GTF2F2: variants seen among roughly 807,000 people sequenced by gnomAD.
GTF2F2 encodes the protein ATP-dependent helicase GTF2F2.
A neutral mutation model predicts 42.2 loss-of-function variants in GTF2F2; 23 were observed. The observed-to-expected ratio is 0.55, with a 90% confidence interval of 0.39 to 0.77. GTF2F2 has a LOEUF of 0.77. Ranked by LOEUF, GTF2F2 falls within the 30% of genes least tolerant of loss-of-function variation. The probability of loss-of-function intolerance (pLI) is 0.00; values close to 1 mark genes in which losing one functional copy is unlikely to be tolerated. For missense variants in GTF2F2, 261 were observed against 287.2 expected, an observed-to-expected ratio of 0.91 and a Z score of 0.66; for synonymous variants, 105 against 100.8, an observed-to-expected ratio of 1.04 and a Z score of -0.25.
chr13:45,120,753 T>G, intron 1 of GTF2F2, 32 bp downstream of exon 1: 1 of 1,474,290 alleles, frequency 6.8e-7, no homozygotes, highest in Non-Finnish European at 9.3e-7. Context: ...CTTGCGCTCC[T>G]CCTAACACAA....
chr13:45,135,681 T>C (rs1869584291), intron 1 of GTF2F2, among the ~76,000 whole-genome samples: 1 of 152,204 alleles, frequency 6.6e-6, no homozygotes. Flanking sequence ...ATTTGACTAG[T>C]GGTCAAGTCG....
chr13:45,193,860 A>G (rs1318746982), intron 4 of GTF2F2: 2 of 1,614,104 alleles, frequency 1.2e-6, no homozygotes, highest in East Asian at 2.2e-5. Context: ...TCAGCAGTCT[A>G]AAGCCACACT....
chr13:45,189,631 A>T (rs1407987189), intron 4 of GTF2F2, among the ~76,000 whole-genome samples: 11 of 152,062 alleles, frequency 7.2e-5, no homozygotes, highest in Non-Finnish European at 1.6e-4. Context: ...TGTGGTTTTG[A>T]TTTGCAGTAC....
chr13:45,274,236 A>C (rs1040150728), intron 7 of GTF2F2, among the ~76,000 whole-genome samples: 2 of 152,136 alleles, frequency 1.3e-5, no homozygotes, highest in Non-Finnish European at 2.9e-5. Flanking sequence ...GGATAATAAA[A>C]ATAGTCATCT....
chr13:45,163,408 C>T (rs540364041), intron 4 of GTF2F2, among the ~76,000 whole-genome samples: 6 of 152,114 alleles, frequency 3.9e-5, no homozygotes, highest in South Asian at 2.1e-4. Flanking sequence ...TGGTGGCGCA[C>T]GCTTGTAGCA....
chr13:45,283,122 A>AGT (rs371475392), intron 7 of GTF2F2, among the ~76,000 whole-genome samples: 20 of 152,056 alleles, frequency 1.3e-4, no homozygotes, highest in South Asian at 4.1e-4. Flanking sequence ...TGTCACACTG[A>AGT]GTGAGGACCA....
chr13:45,184,953 A>T (rs1872346217), intron 4 of GTF2F2, among the ~76,000 whole-genome samples: 1 of 152,102 alleles, frequency 6.6e-6, no homozygotes, highest in African/African-American at 2.4e-5. Context: ...CTGGAACTAT[A>T]GGTGTGGGCC....
At chr13:45,231,232 C>G (rs574672077) in intron 5 of GTF2F2, among the ~76,000 whole-genome samples, 1 of 152,026 alleles carries the variant, frequency 6.6e-6, no homozygotes, top group Non-Finnish European at 1.5e-5. Context: ...CTCAGCCTCC[C>G]GAGTAGCTGG....
rs1005095251 is a variant in GTF2F2, at chr13:45,283,242, T to C, written c.631-200T>C. ...CTTTCAACTCCTTTAATGCACATGA[T>C]CATATATTTAGTGCAGTTACCATGT... is the stretch of plus-strand genomic sequence containing the variant. On this transcript the variant is annotated intron_variant, in intron 7 of 7. Coordinates refer to ENST00000340473, the MANE Select transcript of GTF2F2 (RefSeq NM_004128.3). Among the ~76,000 whole-genome samples the C allele has an allele frequency of 2.0e-5, 3 of 152,176 alleles. No individual in the cohort carries two copies. The South Asian group carries it at 6.2e-4, about 31-fold the overall frequency.
Position 45,284,749 on chromosome 13 carries a change from G to A in GTF2F2, c.*1188G>A, listed in dbSNP as rs1245230986. The A allele has an allele frequency of 6.6e-6, 1 of 152,136 alleles. No individual in the cohort carries two copies. Among genetic ancestry groups the A allele is most frequent in the Admixed American group, 6.5e-5 (1 of 15,274 alleles). The allele number at this position is 152,136 out of a possible 1,614,324, so 9.4% of individuals were successfully genotyped here. On this transcript the variant is annotated 3_prime_UTR_variant, in exon 8 of 8. Coordinates refer to ENST00000340473, the MANE Select transcript of GTF2F2 (RefSeq NM_004128.3). The stretch of plus-strand genomic sequence containing the variant: ...TTGAAGAAAATATTATATAATTAAA[G>A]CAAGAAGATATCTATCCATTGAGAA...
At chr13:45,203,772 G>A (rs751059488) in intron 4 of GTF2F2, among the ~76,000 whole-genome samples, 28 of 152,086 alleles carry the variant, frequency 1.8e-4, no homozygotes, top group Admixed American at 4.6e-4. Flanking sequence ...GGCATCTGTC[G>A]CTATATTTAA....
At chr13:45,188,249 T>C (rs1872505329) in intron 4 of GTF2F2, among the ~76,000 whole-genome samples, 1 of 152,184 alleles carries the variant, frequency 6.6e-6, no homozygotes, top group African/African-American at 2.4e-5. Flanking sequence ...CTATTATTAT[T>C]TTGTTATTGT....
At chr13:45,237,189 G>A (rs1875036503) in intron 5 of GTF2F2, among the ~76,000 whole-genome samples, 1 of 151,946 alleles carries the variant, frequency 6.6e-6, no homozygotes, top group South Asian at 2.1e-4. Flanking sequence ...TCGGTGCTGT[G>A]GTTAAATTAT....
In GTF2F2 at chr13:45,252,954, C is replaced by G. The variant is rs768763263; in HGVS notation, c.470C>G (p.Ala157Gly). Residue 157 changes from alanine (A) to glycine (G), a missense_variant, in exon 6 of 8, where the codon GCT becomes GGT. Physicochemically the swap from Ala to Gly is moderately conservative, Grantham distance 60. Coordinates refer to ENST00000340473, the MANE Select transcript of GTF2F2 (RefSeq NM_004128.3). Reference sequence around the variant, plus strand: ...GTAACAACCAATTACAAACCTGTTGCTAATCATCAATACAATGTAAGTCTT... The same window carrying G: ...GTAACAACCAATTACAAACCTGTTGGTAATCATCAATACAATGTAAGTCTT... ...KVVTTNYKPVANHQYNIEYER... is the reference protein window; with the variant it reads ...KVVTTNYKPVGNHQYNIEYER... 5 of 1,396,912 alleles carry G rather than the reference C, an allele frequency of 3.6e-6. No individual in the cohort carries two copies. Among genetic ancestry groups the G allele is most frequent in the South Asian group, 1.4e-5 (1 of 70,566 alleles). The allele number at this position is 1,396,912 out of a possible 1,614,324, so 86.5% of individuals were successfully genotyped here. A position where few individuals can be genotyped will look rare whatever the true frequency, so the allele number is the denominator to read the frequency against.
At chr13:45,271,286 A>G (rs1043565091) in intron 7 of GTF2F2, among the ~76,000 whole-genome samples, 1 of 151,938 alleles carries the variant, frequency 6.6e-6, no homozygotes, top group Non-Finnish European at 1.5e-5. Context: ...AAAAAGAAAA[A>G]AAAAAAGAAA....
chr13:45,255,997 T>G (rs1390269539), intron 6 of GTF2F2, among the ~76,000 whole-genome samples: 2 of 152,200 alleles, frequency 1.3e-5, no homozygotes, highest in Non-Finnish European at 2.9e-5. Flanking sequence ...TGCTCAATGA[T>G]ATATATACAA....
chr13:45,174,172 A>G (rs1234668781), intron 4 of GTF2F2, among the ~76,000 whole-genome samples: 15 of 152,202 alleles, frequency 9.9e-5, no homozygotes, highest in Non-Finnish European at 1.8e-4. Context: ...ACATTTGTGT[A>G]TAGATCTTTG....
chr13:45,151,736 GA>G lies in GTF2F2; in HGVS notation c.213del (p.Lys71AsnfsTer23). Reference protein sequence around the residue: ...EDLANIHDIGGKPASVSAPRE... With the variant: ...EDLANIHDIGXKPASVSAPRE... ...CTTGCAAATATTCATGATATTGGTGGAAAACCAGCTTCAGTCAGTGCTCCTA... is the reference window on the plus strand; with the variant it reads ...CTTGCAAATATTCATGATATTGGTGGAAACCAGCTTCAGTCAGTGCTCCTA... On this transcript the variant is annotated frameshift_variant, in exon 4 of 8. Transcript: ENST00000340473. LOFTEE classifies it high-confidence loss of function. 1 of 1,604,762 alleles carries G rather than the reference GA, an allele frequency of 6.2e-7. No individual in the cohort carries two copies. Among genetic ancestry groups the G allele is most frequent in the Non-Finnish European group, 8.5e-7 (1 of 1,172,954 alleles).
chr13:45,127,951 T>C lies in GTF2F2; in HGVS notation c.66+7230T>C, dbSNP rs1371897632. 8.7e-3 allele frequency among the ~76,000 whole-genome samples: 1,144 copies of C among 131,698 alleles called. 7 individuals carry two copies. The highest frequency in any genetic ancestry group is 0.029 in the African/African-American group (986 of 34,424). The allele number at this position is 131,698 out of a possible 152,430, so 86.4% of individuals were successfully genotyped here. ...TGGCACCCCGGCCTTTTTTTTTTTT[T>C]TTTTTTTTTTTTTTTTTTCTTTTTT... On this transcript the variant is annotated intron_variant, in intron 1 of 7. Coordinates refer to ENST00000340473, the MANE Select transcript of GTF2F2 (RefSeq NM_004128.3).
Sources: gnomAD v4.1 joint callset for allele counts (sites outside exome capture counted in the v4.1 genomes callset) on GRCh38, gnomAD v4.1.1 for gene constraint, MANE v1.5 for transcripts, NCBI Gene and HGNC (gene_info 2026-07-23, HGNC 2026-07-21) for gene names.